Variants in DISP1 observed in about 807,000 individuals in gnomAD.
DISP1 encodes the protein protein dispatched homolog 1.
Under a neutral mutation model 37.3 loss-of-function variants are expected in DISP1, and 30 were observed. The observed-to-expected ratio is 0.80, with a 90% CI of 0.60 to 1.09. The LOEUF is 1.09. DISP1 is among the 50% of genes least tolerant of loss of function. The probability of loss-of-function intolerance (pLI) is 0.00; values close to 1 mark genes in which losing one functional copy is unlikely to be tolerated. For missense variants in DISP1, 1,598 were observed against 1,879.5 expected, an observed-to-expected ratio of 0.85 and a Z score of 2.77; for synonymous variants, 634 against 690.2, an observed-to-expected ratio of 0.92 and a Z score of 1.28.
chr1:222,815,625 A>G (rs188489011), intron 1 of DISP1, among the ~76,000 whole-genome samples: 1 of 151,854 alleles, frequency 6.6e-6, no homozygotes, highest in East Asian at 2.0e-4. Flanking sequence ...TGTTTTTAGA[A>G]ATATATCCCG....
In DISP1 at chr1:223,005,972, A is replaced by G. The variant is rs1486382123; in HGVS notation, c.4575A>G (p.Ter1525=). 1.2e-6 allele frequency: 2 copies of G among 1,608,780 alleles called. No individual in the cohort carries two copies. Among genetic ancestry groups the G allele is most frequent in the Non-Finnish European group, 1.7e-6 (2 of 1,176,124 alleles). ...SGESLLIKTL[*] is the part of the protein sequence containing the mutation. Reference sequence around the variant, plus strand: ...AAAGTTTGTTAATAAAAACACTATAATAAATGCAGCATTCAATTCAGAACC... The same window carrying G: ...AAAGTTTGTTAATAAAAACACTATAGTAAATGCAGCATTCAATTCAGAACC... Residue 1525 remains the stop codon, a stop_retained_variant, in exon 9 of 9, where the codon TAA becomes TAG. Coordinates refer to ENST00000675850, the MANE Select transcript of DISP1 (RefSeq NM_001377229.1).
At position 222,991,545 on chromosome 1, in the gene DISP1, T is replaced by G; in HGVS notation, c.689T>G (p.Ile230Arg). 6.2e-7 allele frequency: 1 copy of G among 1,613,862 alleles called. No homozygotes were observed. Among genetic ancestry groups the G allele is most frequent in the Non-Finnish European group, 8.5e-7 (1 of 1,179,842 alleles). ...LLGFEPRGTA[I>R]GQRLVTWNNM... ...GGTTTTGAACCAAGAGGAACAGCAA[T>G]AGGCCAGAGATTGGTCACATGGAAT... The change falls in exon 6 of 9, where the codon ATA becomes AGA. Residue 230 changes from isoleucine (I) to arginine (R), a missense_variant. Transcript: ENST00000675850.
At chr1:222,921,666 A>T (rs1047126000) in intron 1 of DISP1, among the ~76,000 whole-genome samples, 5 of 152,194 alleles carry the variant, frequency 3.3e-5, no homozygotes, top group Non-Finnish European at 5.9e-5. Flanking sequence ...CTGAATATTA[A>T]TTTACAGACT....
chr1:222,951,638 TC>T (rs748421523), intron 3 of DISP1, among the ~76,000 whole-genome samples: 1 of 152,228 alleles, frequency 6.6e-6, no homozygotes, highest in Non-Finnish European at 1.5e-5. Flanking sequence ...CAAATGCTTC[TC>T]TAAGATGTTG....
At position 222,960,539 on chromosome 1, in the gene DISP1, C is replaced by CT. The variant is rs1260183869; in HGVS notation, c.509+17209dup. Reference sequence around the variant, plus strand: ...AGCTAGAAAGATGTCACATTGACACCTTAACATCACAATTAAAAGAGCTAG... The same window carrying CT: ...AGCTAGAAAGATGTCACATTGACACCTTTAACATCACAATTAAAAGAGCTAG... On this transcript the variant is annotated intron_variant, in intron 3 of 8. Coordinates refer to ENST00000675850, the MANE Select transcript of DISP1 (RefSeq NM_001377229.1). 6.6e-5 allele frequency among the ~76,000 whole-genome samples: 10 copies of CT among 152,152 alleles called. No homozygotes were observed. The East Asian group carries it at 1.9e-3, about 29-fold the overall frequency.
At chr1:222,873,296 G>C (rs1669699301) in intron 1 of DISP1, among the ~76,000 whole-genome samples, 1 of 152,154 alleles carries the variant, frequency 6.6e-6, no homozygotes, top group African/African-American at 2.4e-5. Context: ...AGGTCTGCTT[G>C]GTGCAGAGCT....
At chr1:222,818,123 G>T (rs780432669) in intron 1 of DISP1, among the ~76,000 whole-genome samples, 1 of 151,886 alleles carries the variant, frequency 6.6e-6, no homozygotes, top group Non-Finnish European at 1.5e-5. Context: ...AGGAATAGAA[G>T]AACTATTGGA....
chr1:222,958,801 G>T (rs1305220501), intron 3 of DISP1, among the ~76,000 whole-genome samples: 2 of 152,064 alleles, frequency 1.3e-5, no homozygotes, highest in African/African-American at 2.4e-5. Context: ...TTCAAAATGG[G>T]AAAAGATGAA....
intron 1 of DISP1, among the ~76,000 whole-genome samples, chr1:222,865,022 A>G (rs1400916198): frequency 6.6e-6 from 1 of 151,032 alleles, no homozygotes; most frequent in Non-Finnish European, 1.5e-5. Context: ...ATAGGTTTTT[A>G]TTTGTTTGTT....
At chr1:222,926,416 C>G (rs1441607253) in intron 1 of DISP1, among the ~76,000 whole-genome samples, 2 of 152,108 alleles carry the variant, frequency 1.3e-5, no homozygotes, top group African/African-American at 4.8e-5. Flanking sequence ...TATTTTCTGT[C>G]TGGTATATAC....
chr1:222,970,126 T>A (rs1446698656), intron 3 of DISP1, among the ~76,000 whole-genome samples: 1 of 152,232 alleles, frequency 6.6e-6, no homozygotes, highest in East Asian at 1.9e-4. Context: ...GCTCTTCTGA[T>A]AAAACTCACT....
chr1:222,991,287 T>G lies in DISP1; in HGVS notation c.664-233T>G, dbSNP rs142597103. 5.6e-3 allele frequency among the ~76,000 whole-genome samples: 854 copies of G among 152,370 alleles called. 9 individuals are homozygous for G. Among genetic ancestry groups the G allele is most frequent in the African/African-American group, 0.02 (816 of 41,588 alleles). On this transcript the variant is annotated intron_variant, in intron 5 of 8. Transcript: ENST00000675850. The stretch of plus-strand genomic sequence containing the variant: ...CATGAGTTGGAAAGATAAACTTTCT[T>G]TAGACATGTAACATACCAAAGAATC...
intron 1 of DISP1, among the ~76,000 whole-genome samples, chr1:222,907,296 A>G (rs1324579701): frequency 6.6e-6 from 1 of 152,202 alleles, no homozygotes; most frequent in African/African-American, 2.4e-5. Flanking sequence ...GTCTAGTCTA[A>G]GTAAAATTAG....
At chr1:222,979,226 A>C (rs1677641802) in intron 3 of DISP1, among the ~76,000 whole-genome samples, 1 of 152,152 alleles carries the variant, frequency 6.6e-6, no homozygotes, top group Admixed American at 6.5e-5. Flanking sequence ...TAGGCAGCAC[A>C]GGGAGACCCC....
intron 3 of DISP1, among the ~76,000 whole-genome samples, chr1:222,957,769 T>TAA (rs1183534029): frequency 6.6e-6 from 1 of 152,168 alleles, no homozygotes; most frequent in African/African-American, 2.4e-5. Context: ...TGCCCAGTCT[T>TAA]AGATAACACA....
intron 1 of DISP1, among the ~76,000 whole-genome samples, chr1:222,835,428 A>G (rs1434880585): frequency 6.6e-6 from 1 of 152,212 alleles, no homozygotes; most frequent in Non-Finnish European, 1.5e-5. Context: ...CTCAGTGAGC[A>G]CTACTATGCT....
chr1:222,897,396 GT>G (rs1294548977), intron 1 of DISP1, among the ~76,000 whole-genome samples: 1 of 152,072 alleles, frequency 6.6e-6, no homozygotes, highest in African/African-American at 2.4e-5. Flanking sequence ...TGAGGTTGTG[GT>G]TTCATGGATG....
At chr1:222,953,144 T>G (rs1675351352) in intron 3 of DISP1, among the ~76,000 whole-genome samples, 1 of 152,218 alleles carries the variant, frequency 6.6e-6, no homozygotes, top group African/African-American at 2.4e-5. Flanking sequence ...TGTAATTTAT[T>G]TTTCTTTTCT....
rs1253257413 is a variant in DISP1, at chr1:222,819,881, T to A, written c.-159+4803T>A. 3.7e-5 allele frequency among the ~76,000 whole-genome samples: 4 copies of A among 106,810 alleles called. No homozygotes were observed. In the East Asian group the frequency reaches 8.7e-4, roughly 23 times the overall value. 70.1% of individuals were successfully genotyped at this position (106,810 alleles called of 152,430 possible). On this transcript the variant is annotated intron_variant, in intron 1 of 8. Transcript: ENST00000675850. ...TATTTTTAATTTAAGGTGTTTAAAA[T>A]TTTTTTTTAATTTTGTAACTATATT...
Sources: gnomAD v4.1 joint callset for allele counts (sites outside exome capture counted in the v4.1 genomes callset) on GRCh38, gnomAD v4.1.1 for gene constraint, MANE v1.5 for transcripts, NCBI Gene and HGNC (gene_info 2026-07-23, HGNC 2026-07-21) for gene names.